Variants in HAPLN2 observed in about 807,000 individuals in gnomAD.
HAPLN2 encodes the protein brain link protein-1.
HAPLN2 carries 27 observed loss-of-function variants against 29.3 expected under a neutral mutation model. The observed-to-expected ratio is 0.92, with a 90% CI of 0.68 to 1.27. The LOEUF (loss-of-function observed/expected upper bound fraction) is 1.27. Among genes scored for constraint, HAPLN2 ranks in the 50% most tolerant of loss-of-function variants. The probability of loss-of-function intolerance (pLI) is 0.00; values close to 1 mark genes in which losing one functional copy is unlikely to be tolerated. For missense variants in HAPLN2, 454 were observed against 484.3 expected (o/e 0.94, Z 0.59); for synonymous variants, 208 against 211.7 (o/e 0.98, Z 0.15).
the HAPLN2 span, among the ~76,000 whole-genome samples, chr1:156,604,290 A>ATC: frequency 1.2e-5 from 1 of 85,684 alleles, no homozygotes; most frequent in South Asian, 5.6e-4. Flanking sequence ...ATGTTGAAGA[A>ATC]TTCTTTTTTT....
In HAPLN2 at chr1:156,623,469, G is replaced by C. The variant is rs537533829; in HGVS notation, c.-22G>C. On this transcript the variant is annotated splice_region_variant and 5_prime_UTR_variant, in exon 3 of 7. Coordinates refer to ENST00000255039, the MANE Select transcript of HAPLN2 (RefSeq NM_021817.3). ...TGCCCACTCTTTGTGCCCTGCAGAC[G>C]GTGCCGGGCTGACCCCCCATCATGC... is the stretch of plus-strand genomic sequence containing the variant. 7 of 1,613,020 alleles carry C rather than the reference G, an allele frequency of 4.3e-6. No individual in the cohort carries two copies. In the African/African-American group the frequency reaches 6.7e-5, roughly 15 times the overall value.
At chr1:156,612,921 C>T in the HAPLN2 span, among the ~76,000 whole-genome samples, 3 of 152,196 alleles carry the variant, frequency 2.0e-5, no homozygotes, top group African/African-American at 7.2e-5. Flanking sequence ...TGGAAAAACA[C>T]AATTCTCAAA....
At chr1:156,609,255 C>T in the HAPLN2 span, among the ~76,000 whole-genome samples, 1 of 152,220 alleles carries the variant, frequency 6.6e-6, no homozygotes, top group Non-Finnish European at 1.5e-5. Flanking sequence ...ACTGGGGATA[C>T]AGCCTTCCTG....
At chr1:156,619,804 A>G (rs924513794) in intron 1 of HAPLN2, among the ~76,000 whole-genome samples, 1 of 152,030 alleles carries the variant, frequency 6.6e-6, no homozygotes, top group Non-Finnish European at 1.5e-5. Context: ...ACTCCCCTTC[A>G]TGGGTTCCCA....
intron 2 of HAPLN2, among the ~76,000 whole-genome samples, chr1:156,622,511 G>T (rs755896831): frequency 6.6e-6 from 1 of 152,048 alleles, no homozygotes; most frequent in South Asian, 2.1e-4. Flanking sequence ...TGGCAAACTG[G>T]GGGTGGGTAA....
chr1:156,623,519 TC>T lies in HAPLN2; in HGVS notation c.30del (p.Cys11AlafsTer72). On this transcript the variant is annotated frameshift_variant, in exon 3 of 7. Transcript: ENST00000255039. LOFTEE classifies it high-confidence loss of function. MPGWLTLPT[L>X]CRFLLWAFTI... Reference sequence around the variant, plus strand: ...CCAGGCTGGCTCACCCTCCCCACACTCTGCCGCTTCCTTCTTTGGGCCTTCA... The same window carrying T: ...CCAGGCTGGCTCACCCTCCCCACACTTGCCGCTTCCTTCTTTGGGCCTTCA... 5 of 1,613,996 alleles carry T rather than the reference TC, an allele frequency of 3.1e-6. No individual in the cohort carries two copies. Among genetic ancestry groups the T allele is most frequent in the Non-Finnish European group, 4.2e-6 (5 of 1,179,982 alleles).
chr1:156,620,575 T>C (rs980531133), intron 2 of HAPLN2, among the ~76,000 whole-genome samples: 2 of 152,224 alleles, frequency 1.3e-5, no homozygotes. Flanking sequence ...GTTCTCTTGC[T>C]CATGTTCGCA....
the HAPLN2 span, among the ~76,000 whole-genome samples, chr1:156,611,397 T>A: frequency 6.6e-6 from 1 of 151,718 alleles, no homozygotes; most frequent in Non-Finnish European, 1.5e-5. Flanking sequence ...AAACCCTGTC[T>A]CTACTAAAAA....
At chr1:156,602,417 T>C in the HAPLN2 span, among the ~76,000 whole-genome samples, 1 of 151,756 alleles carries the variant, frequency 6.6e-6, no homozygotes, top group South Asian at 2.1e-4. Context: ...TGGAGAAAGA[T>C]ACAGGATGGG....
At chr1:156,604,919 C>T in the HAPLN2 span, among the ~76,000 whole-genome samples, 3 of 139,730 alleles carry the variant, frequency 2.1e-5, no homozygotes, top group Non-Finnish European at 4.7e-5. Context: ...TCCCAGCTGG[C>T]TTTTTTTTTT....
chr1:156,623,417 C>T, intron 2 of HAPLN2, 50 bp from the exon 3 acceptor site: 1 of 1,506,882 alleles, frequency 6.6e-7, no homozygotes, highest in Non-Finnish European at 9.1e-7. Context: ...CTGCTCTTCC[C>T]CACCCTTTTG....
At chr1:156,604,386 A>G in the HAPLN2 span, among the ~76,000 whole-genome samples, 39,703 of 150,960 alleles carry the variant, frequency 0.26, 5,473 homozygotes, top group South Asian at 0.5. Flanking sequence ...TCCACCTCCT[A>G]GGTTCAAGCG....
At position 156,624,466 on chromosome 1, in the gene HAPLN2, G is replaced by C; in HGVS notation, c.555G>C (p.Gln185His). The stretch of plus-strand genomic sequence containing the variant: ...TGGCCACCTACTCCCAGCTCTACCA[G>C]GGTGAGCGGCCGAACCCAGCACTTC... The part of the protein sequence containing the change: ...GRLATYSQLY[Q>H]AWTEGLDWCN... The change falls in exon 5 of 7, where the codon CAG becomes CAC. Residue 185 changes from glutamine (Q) to histidine (H), a missense_variant and splice_region_variant. Gln to His is a conservative substitution (Grantham distance 24, BLOSUM62 0). Coordinates refer to ENST00000255039, the MANE Select transcript of HAPLN2 (RefSeq NM_021817.3). 2.5e-6 allele frequency: 4 copies of C among 1,612,708 alleles called. No individual in the cohort carries two copies. The highest frequency in any genetic ancestry group is 3.4e-6 in the Non-Finnish European group (4 of 1,179,444).
chr1:156,623,045 T>TAAAAAAAAAAAAAAA (rs1553235342), intron 2 of HAPLN2, among the ~76,000 whole-genome samples: 1 of 102,948 alleles, frequency 9.7e-6, no homozygotes, highest in Non-Finnish European at 2.0e-5. Context: ...AAAAAATAAA[T>TAAAAAAAAAAAAAAA]AAATAAATAA....
intron 2 of HAPLN2, among the ~76,000 whole-genome samples, chr1:156,620,458 C>A (rs997776416): frequency 6.6e-6 from 1 of 152,186 alleles, no homozygotes; most frequent in Non-Finnish European, 1.5e-5. Context: ...CAGTGTCAGG[C>A]ACATTCAATT....
At chr1:156,617,244 T>C (rs1325888445), upstream of HAPLN2, among the ~76,000 whole-genome samples, 1 of 152,020 alleles carries the variant, frequency 6.6e-6, no homozygotes, top group Non-Finnish European at 1.5e-5. Context: ...TAGGCTTGAC[T>C]CAATGACTGT....
the HAPLN2 span, among the ~76,000 whole-genome samples, chr1:156,609,557 T>C: frequency 6.6e-6 from 1 of 152,226 alleles, no homozygotes; most frequent in Non-Finnish European, 1.5e-5. Context: ...TCCTGGCATT[T>C]TGATGGCCTT....
At chr1:156,617,748 A>G (rs886736493), upstream of HAPLN2, among the ~76,000 whole-genome samples, 12 of 151,572 alleles carry the variant, frequency 7.9e-5, no homozygotes, top group African/African-American at 1.7e-4. Context: ...AAATAAGGCT[A>G]AAATGGAACT....
chr1:156,623,045 T>TAAAAA (rs1553235342), intron 2 of HAPLN2, among the ~76,000 whole-genome samples: 4 of 102,948 alleles, frequency 3.9e-5, no homozygotes, highest in African/African-American at 1.5e-4. Flanking sequence ...AAAAAATAAA[T>TAAAAA]AAATAAATAA....
Sources: gnomAD v4.1 joint callset for allele counts (sites outside exome capture counted in the v4.1 genomes callset) on GRCh38, gnomAD v4.1.1 for gene constraint, MANE v1.5 for transcripts, NCBI Gene and HGNC (gene_info 2026-07-23, HGNC 2026-07-21) for gene names.